The following ADSS1 variants were observed in gnomAD, a reference collection of about 807,000 sequenced individuals.
The protein encoded by ADSS1 is adenylosuccinate synthase 1.
Under a neutral mutation model 59.1 loss-of-function variants are expected in ADSS1, and 57 were observed. The ratio of observed to expected loss-of-function variants is 0.97; its 90% confidence interval spans 0.78 to 1.20. ADSS1 has a LOEUF of 1.20. Ranked by LOEUF, ADSS1 falls within the 50% of genes most tolerant of loss-of-function variation. The probability of loss-of-function intolerance (pLI) is 0.00; values close to 1 mark genes in which losing one functional copy is unlikely to be tolerated. For missense variants in ADSS1, 603 were observed against 610.3 expected (o/e 0.99, Z 0.13); for synonymous variants, 247 against 249.4 (o/e 0.99, Z 0.09).
chr14:104,727,965 A>G (rs891358166), intron 1 of ADSS1, among the ~76,000 whole-genome samples: 1 of 151,972 alleles, frequency 6.6e-6, no homozygotes, highest in Non-Finnish European at 1.5e-5. Context: ...TCCATAGCGC[A>G]CTCCCAGCCT....
At position 104,741,280 on chromosome 14, in the gene ADSS1, G is replaced by A. The variant is rs762428887; in HGVS notation, c.793+37G>A. Reference sequence around the variant, plus strand: ...AGGGTGTGCGTGCCAACGACCTTTCGTGCCTGCCAGGGAAGACCCAGCTGC... The same window carrying A: ...AGGGTGTGCGTGCCAACGACCTTTCATGCCTGCCAGGGAAGACCCAGCTGC... On this transcript the variant is annotated intron_variant, in intron 8 of 12. Transcript: ENST00000330877. 28 of 1,522,908 alleles carry A rather than the reference G, an allele frequency of 1.8e-5. No individual in the cohort carries two copies. In the African/African-American group the frequency reaches 2.6e-4, roughly 14 times the overall value. 94.3% of individuals were successfully genotyped at this position (1,522,908 alleles called of 1,614,324 possible).
chr14:104,724,421 G>A lies in ADSS1; in HGVS notation c.151G>A (p.Asp51Asn), dbSNP rs749979584. 7.1e-6 allele frequency: 9 copies of A among 1,264,072 alleles called. No individual in the cohort carries two copies. 78.3% of individuals were successfully genotyped at this position (1,264,072 alleles called of 1,614,324 possible). Residue 51 changes from aspartate to asparagine, a missense_variant, in exon 1 of 13, where the codon GAC (aspartate) becomes AAC (asparagine). By Grantham distance (23) the Asp-to-Asn change is conservative (BLOSUM62 1). Transcript: ENST00000330877. ...GGACGAGGGCAAAGGCAAGGTGGTG[G>A]ACCTGCTGGCCACGGACGCCGACAT... Reference protein sequence around the residue: ...WGDEGKGKVVDLLATDADIIS... With the variant: ...WGDEGKGKVVNLLATDADIIS...
Position 104,742,011 on chromosome 14 carries a change from C to A in ADSS1, c.948+9C>A. ...CCACCGAGCAGATCAACGTGAGTCC[C>A]CAGCCCCTCGGGACCCCGTGGGAGG... On this transcript the variant is annotated intron_variant, in intron 9 of 12. Coordinates refer to ENST00000330877, the MANE Select transcript of ADSS1 (RefSeq NM_152328.5). The A allele has an allele frequency of 6.2e-7, 1 of 1,612,280 alleles. No homozygotes were observed. The highest frequency in any genetic ancestry group is 8.5e-7 in the Non-Finnish European group (1 of 1,179,688).
intron 10 of ADSS1, among the ~76,000 whole-genome samples, chr14:104,743,814 C>A (rs1891461205): frequency 6.6e-6 from 1 of 152,260 alleles, no homozygotes; most frequent in Non-Finnish European, 1.5e-5. Context: ...AGCAGAGGAA[C>A]CGAGTAGCTG....
At chr14:104,727,160 A>G (rs1011879817) in intron 1 of ADSS1, among the ~76,000 whole-genome samples, 1 of 151,170 alleles carries the variant, frequency 6.6e-6, no homozygotes, top group Non-Finnish European at 1.5e-5. Flanking sequence ...TTCTTTTCCC[A>G]TCCCGGTGGT....
chr14:104,726,796 C>T (rs139675722), intron 1 of ADSS1, among the ~76,000 whole-genome samples: 6 of 152,336 alleles, frequency 3.9e-5, no homozygotes, highest in East Asian at 1.9e-4. Context: ...GTGGGCAGAG[C>T]GGGCTGGGCC....
At chr14:104,732,534 G>A (rs533577355) in intron 1 of ADSS1, among the ~76,000 whole-genome samples, 2 of 152,188 alleles carry the variant, frequency 1.3e-5, no homozygotes, top group African/African-American at 4.8e-5. Context: ...CTGGCCCTGC[G>A]GTCATTGGAC....
chr14:104,725,286 G>A (rs1890687673), intron 1 of ADSS1, among the ~76,000 whole-genome samples: 1 of 152,230 alleles, frequency 6.6e-6, no homozygotes, highest in Non-Finnish European at 1.5e-5. Flanking sequence ...CCCCATGCCA[G>A]GGCAGCCAAG....
chr14:104,740,315 T>C lies in ADSS1; in HGVS notation c.477-286T>C, dbSNP rs1891296796. On this transcript the variant is annotated intron_variant, in intron 5 of 12. Transcript: ENST00000330877. This position sits in a 1 kb window ranked among gnomAD's most constrained non-coding sequence, Gnocchi z 4.8. ...ACGCATGCTCGCACAGTTATGCACA[T>C]GTGCACACGCCACACAAGCCCACAC... 6.6e-6 allele frequency among the ~76,000 whole-genome samples: 1 copy of C among 151,854 alleles called. No homozygotes were observed. Among genetic ancestry groups the C allele is most frequent in the African/African-American group, 2.4e-5 (1 of 41,310 alleles).
intron 1 of ADSS1, among the ~76,000 whole-genome samples, 161 bp from the exon 2 acceptor site, chr14:104,734,859 C>T (rs1028129480): frequency 6.6e-6 from 1 of 152,236 alleles, no homozygotes; most frequent in African/African-American, 2.4e-5. Context: ...TGCCCACATC[C>T]CAGTCCCGCA....
At chr14:104,728,944 A>G (rs1256637899) in intron 1 of ADSS1, among the ~76,000 whole-genome samples, 1 of 152,150 alleles carries the variant, frequency 6.6e-6, no homozygotes, top group Non-Finnish European at 1.5e-5. Flanking sequence ...GCTAGGGCCG[A>G]GGGGGAAGCG....
rs747975810 is a variant in ADSS1, at chr14:104,740,928, C to T, written c.666+8C>T. ...CAACTCAAAAGGCTCAAGGTGAAGTCGGGGCCGCAGTGTGGGGGCTGCGGA... is the reference window on the plus strand; with the variant it reads ...CAACTCAAAAGGCTCAAGGTGAAGTTGGGGCCGCAGTGTGGGGGCTGCGGA... On this transcript the variant is annotated splice_region_variant and intron_variant, in intron 7 of 12. Transcript: ENST00000330877. The surrounding 1 kb of genome is among the most constrained non-coding windows in gnomAD (Gnocchi z 4.8). 3.5e-5 allele frequency: 57 copies of T among 1,613,868 alleles called. No homozygotes were observed. Among genetic ancestry groups the T allele is most frequent in the Middle Eastern group, 1.6e-4 (1 of 6,062 alleles).
intron 9 of ADSS1, among the ~76,000 whole-genome samples, chr14:104,742,583 T>C (rs1283060584): frequency 6.6e-6 from 1 of 152,236 alleles, no homozygotes; most frequent in East Asian, 1.9e-4. Context: ...ACATGGCCCT[T>C]GTGCCTGAGC....
chr14:104,742,335 G>C (rs1032453506), intron 9 of ADSS1, among the ~76,000 whole-genome samples: 6 of 152,266 alleles, frequency 3.9e-5, no homozygotes, highest in African/African-American at 1.4e-4. Flanking sequence ...ATTCGGGGTA[G>C]CTGGTGGACT....
In ADSS1 at chr14:104,735,023, G is replaced by T. The variant is rs755022185; in HGVS notation, c.196G>T (p.Gly66Cys). The T allele has an allele frequency of 1.2e-6, 2 of 1,612,790 alleles. No individual in the cohort carries two copies. Among genetic ancestry groups the T allele is most frequent in the Non-Finnish European group, 8.5e-7 (1 of 1,179,098 alleles). ...CTCAGCCGGGTTTCTGTTCCAGGGG[G>T]GCAACAACGCCGGCCACACGGTGGT... ...DADIISRCQG[G>C]NNAGHTVVVD... Residue 66 changes from glycine to cysteine, a missense_variant, in exon 2 of 13, where the codon GGC becomes TGC. Physicochemically the swap from Gly to Cys is radical, Grantham distance 159. Coordinates refer to ENST00000330877, the MANE Select transcript of ADSS1 (RefSeq NM_152328.5).
intron 1 of ADSS1, among the ~76,000 whole-genome samples, chr14:104,730,682 C>T (rs1401916534): frequency 6.6e-6 from 1 of 151,786 alleles, no homozygotes; most frequent in Non-Finnish European, 1.5e-5. Flanking sequence ...AGAGGTGCTG[C>T]GGGTGTGAGG....
At chr14:104,729,433 AAAG>A (rs1890817400) in intron 1 of ADSS1, among the ~76,000 whole-genome samples, 1 of 151,904 alleles carries the variant, frequency 6.6e-6, no homozygotes, top group Non-Finnish European at 1.5e-5. Flanking sequence ...GAGCAAGGAC[AAAG>A]CCTGTGTGTG....
intron 2 of ADSS1, among the ~76,000 whole-genome samples, chr14:104,736,810 G>C (rs936272125): frequency 4.7e-5 from 7 of 149,292 alleles, no homozygotes; most frequent in Admixed American, 1.3e-4. Context: ...CAACCTACTG[G>C]GCCCAGGGGA....
chr14:104,735,228 T>C, intron 2 of ADSS1, 106 bp downstream of exon 2: 1 of 1,051,974 alleles, frequency 9.5e-7, no homozygotes, highest in Non-Finnish European at 1.4e-6. Context: ...TGATGACTGC[T>C]CTAGCAGTAG....
Sources: allele counts gnomAD v4.1 joint callset (sites outside exome capture counted in the v4.1 genomes callset), GRCh38; gene constraint gnomAD v4.1.1; non-coding constraint Gnocchi (gnomAD v3.1); transcripts MANE v1.5; gene names NCBI Gene and HGNC (gene_info 2026-07-23, HGNC 2026-07-21).